TBX3: variants seen among roughly 807,000 people sequenced by gnomAD.
TBX3 encodes the protein T-box transcription factor TBX3.
In TBX3, 11 loss-of-function variants were observed where a neutral mutation model predicts 47.8. That is an observed-to-expected ratio of 0.23 (90% CI 0.14 to 0.38). TBX3 has a LOEUF of 0.38. Ranked by LOEUF, TBX3 falls within the 10% of genes least tolerant of loss-of-function variation. TBX3 has a pLI of 1.00. For synonymous variants in TBX3, 500 were observed against 449.3 expected (o/e 1.11, Z -1.43); for missense variants, 927 against 1,022.8 (o/e 0.91, Z 1.28).
rs772020891 is a variant in TBX3 at position 114,674,729 on chromosome 12, C to A, written c.1146G>T (p.Glu382Asp). The change falls in exon 6 of 7, where the codon GAG becomes GAT. Residue 382 changes from glutamate (E) to aspartate (D), a missense_variant. Transcript: ENST00000349155. ...AAKISTTTSE[E>D]PCRDKGSPAV... Reference sequence around the variant, plus strand: ...CGGGGCTGCCCTTGTCACGGCAGGGCTCCTCCGACGTGGTGGTGGAGATCT... The same window carrying A: ...CGGGGCTGCCCTTGTCACGGCAGGGATCCTCCGACGTGGTGGTGGAGATCT... The A allele has an allele frequency of 1.3e-6, 2 of 1,598,064 alleles. No individual in the cohort carries two copies. The highest frequency in any genetic ancestry group is 3.4e-5 in the Admixed American group (2 of 58,620).
At chr12:114,679,711 T>C in intron 2 of TBX3, 60 bp from the exon 3 acceptor site, 1 of 1,611,386 alleles carries the variant, frequency 6.2e-7, no homozygotes, top group Non-Finnish European at 8.5e-7. Context: ...ACAAACGGGA[T>C]CTTAGGACCC....
intron 6 of TBX3, 55 bp from the exon 7 acceptor site, chr12:114,672,357 C>T (rs1868485742): frequency 7.2e-7 from 1 of 1,396,584 alleles, no homozygotes; most frequent in Non-Finnish European, 9.6e-7. Context: ...GAGCTTATCT[C>T]ATCCCTCTCC....
chr12:114,683,126 C>G lies in TBX3; in HGVS notation c.75G>C (p.Ala25=). 6.2e-7 allele frequency: 1 copy of G among 1,612,628 alleles called. No homozygotes were observed. The highest frequency in any genetic ancestry group is 2.2e-5 in the East Asian group (1 of 44,822). ...MAYHPFLPHR[A]PDFAMSAVLG... The stretch of plus-strand genomic sequence containing the variant: ...GCACCGCGCTCATGGCGAAGTCCGG[C>G]GCCCGGTGAGGTAGGAACGGATGGT... Residue 25 remains alanine (A), a synonymous_variant, in exon 1 of 7, where the codon GCG becomes GCC. Transcript: ENST00000349155. This position sits in a 1 kb window ranked among gnomAD's most constrained non-coding sequence, Gnocchi z 7.7.
In TBX3 at chr12:114,680,429, G is replaced by A. The variant is rs1034710659; in HGVS notation, c.657+450C>T. 12 of 277,090 alleles carry A rather than the reference G, an allele frequency of 4.3e-5. No individual in the cohort carries two copies. The Admixed American group carries it at 5.0e-4, about 12-fold the overall frequency. The allele number at this position is 277,090 out of a possible 1,614,324, so 17.2% of individuals were successfully genotyped here. A position where few individuals can be genotyped will look rare whatever the true frequency, so the allele number is the denominator to read the frequency against. ...CCAATTCTTTTTTTAGTAAAAGAAC[G>A]AGTTTTTAAAAATGTATTCACACCA... On this transcript the variant is annotated intron_variant, in intron 2 of 6. Coordinates refer to ENST00000349155, the MANE Select transcript of TBX3 (RefSeq NM_005996.4).
At chr12:114,673,752 C>T (rs557216100) in intron 6 of TBX3, among the ~76,000 whole-genome samples, 1 of 152,304 alleles carries the variant, frequency 6.6e-6, no homozygotes, top group Admixed American at 6.5e-5. Flanking sequence ...ACCATGTACC[C>T]GCTGTGTGAC....
chr12:114,672,559 C>T (rs1868498837), intron 6 of TBX3, among the ~76,000 whole-genome samples: 2 of 151,974 alleles, frequency 1.3e-5, no homozygotes, highest in Non-Finnish European at 2.9e-5. Context: ...TGTGCCTCAG[C>T]TTCCTTATAG....
chr12:114,679,725 C>T, intron 2 of TBX3, 74 bp from the exon 3 acceptor site: 1 of 1,605,960 alleles, frequency 6.2e-7, no homozygotes, highest in Non-Finnish European at 8.5e-7. Flanking sequence ...AGGACCCCTG[C>T]CAGGCTGAAA....
At position 114,684,090 on chromosome 12, in the gene TBX3, G is replaced by GAT; in HGVS notation, c.-891_-890insAT. ...GGGAGGGGAGAGAGAGAGAGAGAGA[G>GAT]AGAGACGGAGTCGGAGAGGGAGGGA... On this transcript the variant is annotated 5_prime_UTR_variant, in exon 1 of 7. Transcript: ENST00000349155. 4.3e-6 allele frequency: 1 copy of GAT among 232,056 alleles called. No individual in the cohort carries two copies. 14.4% of individuals were successfully genotyped at this position (232,056 alleles called of 1,614,324 possible). A position where few individuals can be genotyped will look rare whatever the true frequency, so the allele number is the denominator to read the frequency against.
rs372996166 is a variant in TBX3, at chr12:114,674,726, G to C, written c.1149C>G (p.Pro383=). The C allele has an allele frequency of 4.2e-5, 67 of 1,599,324 alleles. No homozygotes were observed. The African/African-American group carries it at 5.6e-4, about 13-fold the overall frequency. ...AKISTTTSEE[P]CRDKGSPAVK... Reference sequence around the variant, plus strand: ...CCGCGGGGCTGCCCTTGTCACGGCAGGGCTCCTCCGACGTGGTGGTGGAGA... The same window carrying C: ...CCGCGGGGCTGCCCTTGTCACGGCACGGCTCCTCCGACGTGGTGGTGGAGA... Residue 383 remains proline, a synonymous_variant, in exon 6 of 7, where the codon CCC becomes CCG. Coordinates refer to ENST00000349155, the MANE Select transcript of TBX3 (RefSeq NM_005996.4).
chr12:114,675,158 A>G (rs1247822416), intron 5 of TBX3, among the ~76,000 whole-genome samples: 1 of 152,204 alleles, frequency 6.6e-6, no homozygotes, highest in East Asian at 1.9e-4. Context: ...TTGAGTTCCT[A>G]CAGTGGCAGA....
chr12:114,676,482 G>A lies in TBX3; in HGVS notation c.882-12C>T. ...GGGTGAGCTGTTTTCTGTGGCAGAA[G>A]CCCACACCCAGGTTACAGAATGTAA... On this transcript the variant is annotated splice_polypyrimidine_tract_variant and intron_variant, in intron 4 of 6. Coordinates refer to ENST00000349155, the MANE Select transcript of TBX3 (RefSeq NM_005996.4). 6.2e-7 allele frequency: 1 copy of A among 1,614,168 alleles called. No individual in the cohort carries two copies.
chr12:114,676,548 C>T (rs557419387), intron 4 of TBX3, 78 bp from the exon 5 acceptor site: 43 of 1,582,286 alleles, frequency 2.7e-5, no homozygotes, highest in East Asian at 1.1e-4. Flanking sequence ...CTTTCCAAAG[C>T]GGCACACACA....
Position 114,671,754 on chromosome 12 carries a change from A to T in TBX3, c.*87T>A. 2.7e-6 allele frequency: 4 copies of T among 1,504,488 alleles called. No homozygotes were observed. In the African/African-American group the frequency reaches 4.2e-5, roughly 16 times the overall value. The allele number at this position is 1,504,488 out of a possible 1,614,324, so 93.2% of individuals were successfully genotyped here. A position where few individuals can be genotyped will look rare whatever the true frequency, so the allele number is the denominator to read the frequency against. ...AACTGCAAAAGGAAGGGCTAACGCC[A>T]TGGCGGGCCCGTGGTTTATTTTATA... On this transcript the variant is annotated 3_prime_UTR_variant, in exon 7 of 7. Transcript: ENST00000349155.
In TBX3 at chr12:114,683,468, T is replaced by A. The variant is rs1869041435; in HGVS notation, c.-268A>T. On this transcript the variant is annotated 5_prime_UTR_variant, in exon 1 of 7. In the 5' UTR this introduces an upstream ATG that the reference lacks. Coordinates refer to ENST00000349155, the MANE Select transcript of TBX3 (RefSeq NM_005996.4). This position sits in a 1 kb window ranked among gnomAD's most constrained non-coding sequence, Gnocchi z 7.7. Reference sequence around the variant, plus strand: ...AACATAGTCGCGCGGGTGACCGTCCTTGTGCCTTGCGTTTTTAAAAAGCCG... The same window carrying A: ...AACATAGTCGCGCGGGTGACCGTCCATGTGCCTTGCGTTTTTAAAAAGCCG... 4 of 482,602 alleles carry A rather than the reference T, an allele frequency of 8.3e-6. No homozygotes were observed. Among genetic ancestry groups the A allele is most frequent in the Non-Finnish European group, 1.5e-5 (4 of 274,518 alleles). The allele number at this position is 482,602 out of a possible 1,614,324, so 29.9% of individuals were successfully genotyped here.
chr12:114,680,227 T>G (rs1239930096), intron 2 of TBX3: 2 of 525,392 alleles, frequency 3.8e-6, no homozygotes, highest in Non-Finnish European at 6.8e-6. Context: ...TTTATTGAAA[T>G]GTTGGGGAGG....
At position 114,679,483 on chromosome 12, in the gene TBX3, A is replaced by G. The variant is rs761802253; in HGVS notation, c.804+22T>C. 9.3e-6 allele frequency: 15 copies of G among 1,614,196 alleles called. No individual in the cohort carries two copies. In the South Asian group the frequency reaches 1.6e-4, roughly 18 times the overall value. On this transcript the variant is annotated intron_variant, in intron 3 of 6. Coordinates refer to ENST00000349155, the MANE Select transcript of TBX3 (RefSeq NM_005996.4). Reference sequence around the variant, plus strand: ...GGGAAGGCAAAATATCACCATTAAAAAGGAAAGCCCCTTGAGTTTACCTTA... The same window carrying G: ...GGGAAGGCAAAATATCACCATTAAAGAGGAAAGCCCCTTGAGTTTACCTTA...
In TBX3 at chr12:114,674,630, T is replaced by C. The variant is rs1476546013; in HGVS notation, c.1245A>G (p.Ser415=). The part of the protein sequence containing the change: ...SGRLDKASPD[S]RHSPATISSS... ...ACGAGATGGTGGCGGGGCTATGGCG[T>C]GAGTCGGGCGACGCTTTGTCCAGCC... The change falls in exon 6 of 7, where the codon TCA becomes TCG. Residue 415 remains serine, a synonymous_variant. Transcript: ENST00000349155. 13 of 1,605,964 alleles carry C rather than the reference T, an allele frequency of 8.1e-6. No homozygotes were observed. The highest frequency in any genetic ancestry group is 1.1e-5 in the Non-Finnish European group (13 of 1,178,120).
Position 114,671,669 on chromosome 12 carries a change from A to T in TBX3, c.*172T>A, listed in dbSNP as rs1391388071. 1.3e-6 allele frequency: 1 copy of T among 786,974 alleles called. No homozygotes were observed. The highest frequency in any genetic ancestry group is 2.1e-6 in the Non-Finnish European group (1 of 485,362). The allele number at this position is 786,974 out of a possible 1,614,324, so 48.7% of individuals were successfully genotyped here. A position where few individuals can be genotyped will look rare whatever the true frequency, so the allele number is the denominator to read the frequency against. On this transcript the variant is annotated 3_prime_UTR_variant, in exon 7 of 7. Coordinates refer to ENST00000349155, the MANE Select transcript of TBX3 (RefSeq NM_005996.4). ...TCCCGGACATATAAACCACGCCAAG[A>T]AGACAGGGGCTGTCTCTAGCACATT...
rs1468878488 is a variant in TBX3 at position 114,674,158 on chromosome 12, T to C, written c.1710+7A>G. On this transcript the variant is annotated splice_region_variant and intron_variant, in intron 6 of 6. Transcript: ENST00000349155. Reference sequence around the variant, plus strand: ...AGACTGGTGGAGGCAGGAAGAAGGATCCATACCTGAGAGGCCAGGACGTGC... The same window carrying C: ...AGACTGGTGGAGGCAGGAAGAAGGACCCATACCTGAGAGGCCAGGACGTGC... The C allele has an allele frequency of 1.9e-6, 3 of 1,579,862 alleles. No individual in the cohort carries two copies. Among genetic ancestry groups the C allele is most frequent in the Non-Finnish European group, 8.6e-7 (1 of 1,164,848 alleles).
Sources: allele counts gnomAD v4.1 joint callset (sites outside exome capture counted in the v4.1 genomes callset), GRCh38; gene constraint gnomAD v4.1.1; non-coding constraint Gnocchi (gnomAD v3.1); transcripts MANE v1.5; gene names NCBI Gene and HGNC (gene_info 2026-07-23, HGNC 2026-07-21).